RFC2: variants seen among roughly 807,000 people sequenced by gnomAD.
RFC2 encodes the protein replication factor C subunit 2.
In RFC2, 34 loss-of-function variants were observed where a neutral mutation model predicts 44.8. That is an observed-to-expected ratio of 0.76 (90% CI 0.58 to 1.01). RFC2 has a LOEUF of 1.01. RFC2 is among the 50% of genes least tolerant of loss of function. The probability of loss-of-function intolerance (pLI) is 0.00; values close to 1 mark genes in which losing one functional copy is unlikely to be tolerated. For missense variants in RFC2, 400 were observed against 453.6 expected (o/e 0.88, Z 1.07); for synonymous variants, 177 against 168.9 (o/e 1.05, Z -0.37).
At chr7:74,237,753 G>A (rs1256991230) in intron 8 of RFC2, among the ~76,000 whole-genome samples, 1 of 152,172 alleles carries the variant, frequency 6.6e-6, no homozygotes, top group African/African-American at 2.4e-5. Flanking sequence ...ATCACTTGGG[G>A]GGTCAGTTGC....
At chr7:74,248,973 G>A (rs782806722) in intron 4 of RFC2, 39 bp downstream of exon 4, 3 of 1,417,298 alleles carry the variant, frequency 2.1e-6, no homozygotes, top group Non-Finnish European at 3.0e-6. Context: ...TCTCAATGCA[G>A]AGCACCCGCC....
Position 74,237,174 on chromosome 7 carries a change from C to T in RFC2, c.840+188G>A, listed in dbSNP as rs1338663914. 6 of 475,254 alleles carry T rather than the reference C, an allele frequency of 1.3e-5. No individual in the cohort carries two copies. The East Asian group carries it at 2.0e-4, about 16-fold the overall frequency. 29.4% of individuals were successfully genotyped at this position (475,254 alleles called of 1,614,324 possible). A position where few individuals can be genotyped will look rare whatever the true frequency, so the allele number is the denominator to read the frequency against. ...CATCACCCAGGCTGGGGTACAGTGGCGCAATCACAGCTCACTGCAGCCTTG... is the reference window on the plus strand; with the variant it reads ...CATCACCCAGGCTGGGGTACAGTGGTGCAATCACAGCTCACTGCAGCCTTG... On this transcript the variant is annotated intron_variant, in intron 9 of 10. Coordinates refer to ENST00000055077, the MANE Select transcript of RFC2 (RefSeq NM_181471.3).
intron 2 of RFC2, among the ~76,000 whole-genome samples, chr7:74,250,157 A>G (rs868990449): frequency 0.074 from 10,533 of 142,310 alleles, 1,179 homozygotes; most frequent in African/African-American, 0.24. Flanking sequence ...TCTCAAAAAC[A>G]AAAAAAAAAA....
At chr7:74,236,853 G>A (rs1291091853) in intron 9 of RFC2, among the ~76,000 whole-genome samples, 1 of 152,128 alleles carries the variant, frequency 6.6e-6, no homozygotes, top group Non-Finnish European at 1.5e-5. Flanking sequence ...CAGCTACTTG[G>A]GAGGCTGAGG....
chr7:74,249,912 A>C, intron 2 of RFC2, 132 bp from the exon 3 acceptor site: 1 of 787,894 alleles, frequency 1.3e-6, no homozygotes, highest in South Asian at 1.4e-5. Context: ...TAATCCTAGC[A>C]GTTTGGGAGG....
At chr7:74,251,797 C>CAAAAAA (rs1158873785) in intron 2 of RFC2, among the ~76,000 whole-genome samples, 1 of 56,962 alleles carries the variant, frequency 1.8e-5, no homozygotes. Flanking sequence ...GACTCCATCT[C>CAAAAAA]AAAAAAAAAA....
chr7:74,245,491 T>C (rs2116317358), intron 5 of RFC2, among the ~76,000 whole-genome samples: 1 of 149,074 alleles, frequency 6.7e-6, no homozygotes, highest in South Asian at 2.1e-4. Flanking sequence ...GGCGGGCGGA[T>C]CATGAGGCCA....
intron 10 of RFC2, chr7:74,233,688 C>T: frequency 2.5e-6 from 1 of 398,552 alleles, no homozygotes; most frequent in South Asian, 1.8e-5. Context: ...GCAACCTCCA[C>T]CTCCTGGGTT....
At chr7:74,249,203 C>T (rs782656655) in intron 3 of RFC2, 85 bp from the exon 4 acceptor site, 1 of 1,596,110 alleles carries the variant, frequency 6.3e-7, no homozygotes, top group Non-Finnish European at 8.5e-7. Flanking sequence ...CTGTTTGCAT[C>T]TCCGTCACCT....
chr7:74,239,877 C>T, intron 7 of RFC2, 61 bp downstream of exon 7: 2 of 1,463,810 alleles, frequency 1.4e-6, no homozygotes, highest in Non-Finnish European at 1.8e-6. Context: ...CCTCCCCTTC[C>T]CCATGGAAGG....
intron 9 of RFC2, 102 bp downstream of exon 9, chr7:74,237,260 T>G (rs1474014141): frequency 1.4e-6 from 1 of 720,734 alleles, no homozygotes; most frequent in Non-Finnish European, 2.5e-6. Context: ...CAAGAATGAA[T>G]GGAGTGATGT....
intron 6 of RFC2, among the ~76,000 whole-genome samples, chr7:74,241,551 T>C (rs1803330308): frequency 1.3e-5 from 2 of 152,154 alleles, no homozygotes; most frequent in African/African-American, 4.8e-5. Context: ...GTCAGATGGA[T>C]GAGCTCATAT....
At chr7:74,245,614 G>A (rs1430617831) in intron 5 of RFC2, among the ~76,000 whole-genome samples, 1 of 150,886 alleles carries the variant, frequency 6.6e-6, no homozygotes, top group Non-Finnish European at 1.5e-5. Context: ...TCGAGAGGCT[G>A]AGGCAGAAGA....
Position 74,243,249 on chromosome 7 carries a change from G to A in RFC2, c.435-3C>T. 1 of 1,609,232 alleles carries A rather than the reference G, an allele frequency of 6.2e-7. No individual in the cohort carries two copies. Among genetic ancestry groups the A allele is most frequent in the Non-Finnish European group, 8.5e-7 (1 of 1,176,220 alleles). ...CTTGCTGGGCTCCGTCGGTCATGCT[G>A]AGAAGAAAAACACAAGTTTGCAAGT... On this transcript the variant is annotated splice_polypyrimidine_tract_variant and splice_region_variant and intron_variant, in intron 5 of 10. Transcript: ENST00000055077.
In RFC2 at chr7:74,246,888, G is replaced by A. The variant is rs1488670403; in HGVS notation, c.333-125C>T. On this transcript the variant is annotated intron_variant, in intron 4 of 10. Transcript: ENST00000055077. The stretch of plus-strand genomic sequence containing the variant: ...AATTTCCATTTTTGAGTTTTTTTGG[G>A]GGGCAATTGTAACTATTTATAAGGA... 15 of 520,650 alleles carry A rather than the reference G, an allele frequency of 2.9e-5. No homozygotes were observed. In the South Asian group the frequency reaches 3.7e-4, roughly 13 times the overall value. 32.3% of individuals were successfully genotyped at this position (520,650 alleles called of 1,614,324 possible).
intron 5 of RFC2, among the ~76,000 whole-genome samples, chr7:74,244,021 C>T (rs1554719615): frequency 1.4e-5 from 2 of 145,816 alleles, no homozygotes; most frequent in Non-Finnish European, 3.0e-5. Flanking sequence ...GAGGCCGAGG[C>T]AGGTGGCTCT....
chr7:74,233,292 C>G (rs1298491922), intron 10 of RFC2, among the ~76,000 whole-genome samples: 1 of 152,180 alleles, frequency 6.6e-6, no homozygotes, highest in African/African-American at 2.4e-5. Flanking sequence ...GCGGGAGGAT[C>G]ACTTGAGCCC....
In RFC2 at chr7:74,231,664, T is replaced by A. The variant is rs1802729198; in HGVS notation, c.*442A>T. On this transcript the variant is annotated 3_prime_UTR_variant, in exon 11 of 11. Coordinates refer to ENST00000055077, the MANE Select transcript of RFC2 (RefSeq NM_181471.3). The stretch of plus-strand genomic sequence containing the variant: ...GGCACAGACGTCCCAGAAGCAAACA[T>A]GCAAGTCACGGGAGTTTATTTATTT... 6.4e-6 allele frequency: 1 copy of A among 155,902 alleles called. No homozygotes were observed. The highest frequency in any genetic ancestry group is 1.9e-4 in the South Asian group (1 of 5,388). The allele number at this position is 155,902 out of a possible 1,614,324, so 9.7% of individuals were successfully genotyped here.
At chr7:74,240,931 CTT>C (rs1803301364) in intron 6 of RFC2, among the ~76,000 whole-genome samples, 1 of 150,662 alleles carries the variant, frequency 6.6e-6, no homozygotes, top group Non-Finnish European at 1.5e-5. Context: ...TGGCCAGTTT[CTT>C]TCTTTCTTTT....
Sources: gnomAD v4.1 joint callset for allele counts (sites outside exome capture counted in the v4.1 genomes callset) on GRCh38, gnomAD v4.1.1 for gene constraint, MANE v1.5 for transcripts, NCBI Gene and HGNC (gene_info 2026-07-23, HGNC 2026-07-21) for gene names.